ZFHX3: variants seen among roughly 807,000 people sequenced by gnomAD.
The protein encoded by ZFHX3 is zinc finger homeobox 3, also known as zinc finger homeobox protein 3.
Under a neutral mutation model 279.1 loss-of-function variants are expected in ZFHX3, and 42 were observed. The observed-to-expected ratio is 0.15, with a 90% CI of 0.12 to 0.19. ZFHX3 has a LOEUF of 0.19. Ranked by LOEUF, ZFHX3 falls within the 10% of genes least tolerant of loss-of-function variation. The pLI is 1.00. For missense variants in ZFHX3, 4,981 were observed against 4,754.0 expected (o/e 1.05, Z -1.40); for synonymous variants, 2,293 against 1,957.8 (o/e 1.17, Z -4.52).
intron 3 of ZFHX3, among the ~76,000 whole-genome samples, chr16:73,337,379 TG>T (rs1182903952): frequency 6.6e-6 from 1 of 152,154 alleles, no homozygotes; most frequent in Non-Finnish European, 1.5e-5. Flanking sequence ...GCCCCTTCAG[TG>T]GTGAGCTTTG....
Position 72,882,267 on chromosome 16 carries a change from C to T in ZFHX3, c.3448+7464G>A, listed in dbSNP as rs528961250. Among the ~76,000 whole-genome samples, 5 of 150,748 alleles carry T rather than the reference C, an allele frequency of 3.3e-5. No individual in the cohort carries two copies. The South Asian group carries it at 6.3e-4, about 19-fold the overall frequency. ...TTCTCCCAGTGGGCAGCGTTGGGCA[C>T]GTGCTGCCACCCACTCATGAAGATA... On this transcript the variant is annotated intron_variant, in intron 4 of 9. Transcript: ENST00000268489.
intron 4 of ZFHX3, among the ~76,000 whole-genome samples, chr16:72,847,706 C>T (rs1162190373): frequency 6.6e-6 from 1 of 151,804 alleles, no homozygotes; most frequent in African/African-American, 2.4e-5. Context: ...AGGGACACCC[C>T]AAAAGGCAAG....
In ZFHX3 at chr16:73,639,028, G is replaced by T. The variant is rs74030143; in HGVS notation, c.-1547+41152C>A. On this transcript the variant is annotated intron_variant, in intron 2 of 17. Coordinates refer to the ZFHX3 transcript ENST00000641206. ...GCATTGTGTTAGACTTCTAGACACA[G>T]AAATAGATGAGCTAGTGGTCTGTCT... Among the ~76,000 whole-genome samples, 1,436 of 152,276 alleles carry T rather than the reference G, an allele frequency of 9.4e-3. 26 individuals carry two copies. Among genetic ancestry groups the T allele is most frequent in the African/African-American group, 0.033 (1,355 of 41,550 alleles).
chr16:73,324,946 C>T (rs1023357881), intron 3 of ZFHX3, among the ~76,000 whole-genome samples: 4 of 152,194 alleles, frequency 2.6e-5, no homozygotes, highest in Non-Finnish European at 5.9e-5. Context: ...TTCTTGATCA[C>T]TTTTATTCTA....
intron 1 of ZFHX3, chr16:73,014,518 C>CTTTTTTTTTT (rs1000108439): frequency 2.7e-4 from 17 of 63,406 alleles, no homozygotes; most frequent in East Asian, 5.3e-4. Context: ...ATTTCTTCTT[C>CTTTTTTTTTT]TTTTTTTTTT....
intron 4 of ZFHX3, among the ~76,000 whole-genome samples, chr16:73,283,462 G>A (rs544485344): frequency 4.9e-4 from 74 of 152,280 alleles, no homozygotes; most frequent in African/African-American, 1.7e-3. Context: ...GAACGTGAAG[G>A]TTGGAATCTG....
At chr16:73,183,982 C>T (rs1009514921) in intron 5 of ZFHX3, among the ~76,000 whole-genome samples, 3 of 152,116 alleles carry the variant, frequency 2.0e-5, no homozygotes, top group Admixed American at 2.0e-4. Context: ...TTTGCCAGCG[C>T]ATGAATCTGT....
intron 5 of ZFHX3, among the ~76,000 whole-genome samples, chr16:73,231,146 T>C (rs2012760230): frequency 1.3e-5 from 2 of 152,142 alleles, no homozygotes; most frequent in Admixed American, 1.3e-4. Context: ...TGGAAGGCTT[T>C]TCTGAAATGA....
At chr16:73,469,704 G>C (rs1326071627) in intron 2 of ZFHX3, among the ~76,000 whole-genome samples, 1 of 152,004 alleles carries the variant, frequency 6.6e-6, no homozygotes, top group East Asian at 1.9e-4. Context: ...TGCAACCTCT[G>C]CTGCCCAGGT....
At chr16:73,344,331 A>C (rs2143266354) in intron 3 of ZFHX3, among the ~76,000 whole-genome samples, 1 of 152,334 alleles carries the variant, frequency 6.6e-6, no homozygotes, top group Non-Finnish European at 1.5e-5. Flanking sequence ...CCTTCTACAA[A>C]ATAAATGGTC....
chr16:73,317,391 G>A (rs1456172598), intron 4 of ZFHX3, among the ~76,000 whole-genome samples: 1 of 152,094 alleles, frequency 6.6e-6, no homozygotes, highest in Non-Finnish European at 1.5e-5. Context: ...CACAGCCATC[G>A]CTGGGCCCTT....
intron 5 of ZFHX3, among the ~76,000 whole-genome samples, chr16:73,237,359 C>T (rs111376850): frequency 1.3e-5 from 2 of 152,082 alleles, no homozygotes; most frequent in African/African-American, 4.8e-5. Context: ...AATCCTCTCA[C>T]CTCAGCCTCT....
rs71156159 is a variant in ZFHX3 at position 73,378,030 on chromosome 16, C to CAAAAAAAAAAAAAAAAAAA, written c.-1290-59713_-1290-59695dup. 1.1e-4 allele frequency among the ~76,000 whole-genome samples: 6 copies of CAAAAAAAAAAAAAAAAAAA among 53,814 alleles called. 1 individual carries two copies. Among genetic ancestry groups the CAAAAAAAAAAAAAAAAAAA allele is most frequent in the South Asian group, 8.5e-4 (1 of 1,172 alleles). The allele number at this position is 53,814 out of a possible 152,430, so 35.3% of individuals were successfully genotyped here. On this transcript the variant is annotated intron_variant, in intron 3 of 17. Coordinates refer to the ZFHX3 transcript ENST00000641206. Reference sequence around the variant, plus strand: ...CCTGGGTGACAGAGAGACTCTGTCTCAAAAAAAAAAAAAAAAAAAAAAAAA... The same window carrying CAAAAAAAAAAAAAAAAAAA: ...CCTGGGTGACAGAGAGACTCTGTCTCAAAAAAAAAAAAAAAAAAAAAAAAAAAAAAAAAAAAAAAAAAAA...
At chr16:72,900,628 G>A (rs559544953) in intron 3 of ZFHX3, among the ~76,000 whole-genome samples, 12 of 152,306 alleles carry the variant, frequency 7.9e-5, no homozygotes, top group African/African-American at 2.9e-4. Flanking sequence ...GATGGATGAT[G>A]CCACTGGTGT....
chr16:73,579,006 T>A (rs181413994), intron 2 of ZFHX3, among the ~76,000 whole-genome samples: 1 of 152,132 alleles, frequency 6.6e-6, no homozygotes, highest in African/African-American at 2.4e-5. Flanking sequence ...CTCCTCCCAT[T>A]TGGAATTACT....
chr16:72,883,909 G>A (rs562996894), intron 4 of ZFHX3, among the ~76,000 whole-genome samples: 26 of 152,272 alleles, frequency 1.7e-4, no homozygotes, highest in Non-Finnish European at 2.8e-4. Context: ...AGGAGAAAGA[G>A]CGTGGGTGTG....
intron 2 of ZFHX3, among the ~76,000 whole-genome samples, chr16:73,591,199 A>G (rs937455729): frequency 2.6e-5 from 4 of 151,824 alleles, no homozygotes; most frequent in Non-Finnish European, 5.9e-5. Context: ...AAAAATGCAA[A>G]AAAATTTGCC....
At chr16:72,874,439 T>TG (rs1447327163) in intron 4 of ZFHX3, among the ~76,000 whole-genome samples, 1 of 152,000 alleles carries the variant, frequency 6.6e-6, no homozygotes, top group Non-Finnish European at 1.5e-5. Flanking sequence ...CCTGACCTCG[T>TG]GATCTGCCCG....
intron 1 of ZFHX3, among the ~76,000 whole-genome samples, chr16:73,724,489 G>C (rs566187318): frequency 1.3e-5 from 2 of 152,194 alleles, no homozygotes; most frequent in Non-Finnish European, 2.9e-5. Flanking sequence ...GGTGAGACTT[G>C]GGGTGCCTAG....
Sources: gnomAD v4.1 joint callset for allele counts (sites outside exome capture counted in the v4.1 genomes callset) on GRCh38, gnomAD v4.1.1 for gene constraint, MANE v1.5 for transcripts, NCBI Gene and HGNC (gene_info 2026-07-23, HGNC 2026-07-21) for gene names.